PKP4: variants seen among roughly 807,000 people sequenced by gnomAD.
The protein encoded by PKP4 is plakophilin-4.
Under a neutral mutation model 145.1 loss-of-function variants are expected in PKP4, and 90 were observed. That is an observed-to-expected ratio of 0.62 (90% CI 0.52 to 0.74). PKP4 has a LOEUF of 0.74. Ranked by LOEUF, PKP4 falls within the 30% of genes least tolerant of loss-of-function variation. The probability of loss-of-function intolerance (pLI) is 0.00; values close to 1 mark genes in which losing one functional copy is unlikely to be tolerated. For synonymous variants in PKP4, 563 were observed against 577.2 expected (o/e 0.98, Z 0.35); for missense variants, 1,340 against 1,482.7 (o/e 0.90, Z 1.58).
intron 4 of PKP4, among the ~76,000 whole-genome samples, chr2:158,611,618 A>G (rs373637120): frequency 5.9e-5 from 9 of 152,210 alleles, no homozygotes; most frequent in African/African-American, 1.7e-4. Flanking sequence ...GAAACACTTT[A>G]TGCCTCAGTA....
Position 158,631,869 on chromosome 2 carries a change from G to A in PKP4, c.1270G>A (p.Val424Met), listed in dbSNP as rs1290412512. Residue 424 changes from valine (V) to methionine (M), a missense_variant, in exon 8 of 22, where the codon GTG (valine) becomes ATG (methionine). Val to Met is a conservative substitution (Grantham distance 21). Coordinates refer to ENST00000389759, the MANE Select transcript of PKP4 (RefSeq NM_003628.6). ...IYEGRTYYSP[V>M]YRSPNHGTVE... ...TGAGGGGAGGACCTATTACAGCCCA[G>A]TGTACCGCAGCCCAAACCATGGAAC... 5 of 1,614,154 alleles carry A rather than the reference G, an allele frequency of 3.1e-6. No individual in the cohort carries two copies. Among genetic ancestry groups the A allele is most frequent in the Non-Finnish European group, 2.5e-6 (3 of 1,180,000 alleles).
At chr2:158,539,242 G>A (rs988099615) in intron 2 of PKP4, among the ~76,000 whole-genome samples, 3 of 150,080 alleles carry the variant, frequency 2.0e-5, no homozygotes, top group Non-Finnish European at 4.4e-5. Context: ...AAGCCCAACT[G>A]TGTCCTATTG....
chr2:158,642,399 C>T, intron 10 of PKP4, 87 bp from the exon 11 acceptor site: 1 of 954,978 alleles, frequency 1.0e-6, no homozygotes, highest in Non-Finnish European at 1.6e-6. Flanking sequence ...ATATCCACAT[C>T]CTGTGATCTC....
At chr2:158,491,340 T>C (rs1297460388) in intron 1 of PKP4, among the ~76,000 whole-genome samples, 1 of 152,162 alleles carries the variant, frequency 6.6e-6, no homozygotes, top group Non-Finnish European at 1.5e-5. Context: ...GTGCTGATAC[T>C]CTCTAGAATG....
chr2:158,645,356 A>T (rs1361913185), intron 11 of PKP4, among the ~76,000 whole-genome samples: 2 of 152,234 alleles, frequency 1.3e-5, no homozygotes, highest in African/African-American at 4.8e-5. Flanking sequence ...AGCTATGTTC[A>T]TCCTAGAAGT....
At chr2:158,477,905 C>T (rs1422002312) in intron 1 of PKP4, among the ~76,000 whole-genome samples, 1 of 152,098 alleles carries the variant, frequency 6.6e-6, no homozygotes, top group Non-Finnish European at 1.5e-5. Flanking sequence ...AGCTATAGAC[C>T]AGCTTCTGAG....
At chr2:158,669,969 G>A in intron 17 of PKP4, 54 bp downstream of exon 17, 1 of 1,381,072 alleles carries the variant, frequency 7.2e-7, no homozygotes. Flanking sequence ...AGATTGTCCT[G>A]TGATGAGGCC....
intron 13 of PKP4, chr2:158,662,496 C>G (rs574053910): frequency 1.7e-3 from 261 of 157,304 alleles, no homozygotes; most frequent in Middle Eastern, 9.8e-3. Flanking sequence ...GAGAAGGAGG[C>G]AGACATGGGA....
intron 12 of PKP4, 42 bp from the exon 13 acceptor site, chr2:158,661,291 C>A: frequency 7.1e-7 from 1 of 1,403,236 alleles, no homozygotes; most frequent in Non-Finnish European, 1.0e-6. Flanking sequence ...CTGATGAGTG[C>A]ATGGTTCATC....
intron 2 of PKP4, among the ~76,000 whole-genome samples, chr2:158,550,420 A>G (rs1237770076): frequency 6.6e-6 from 1 of 152,238 alleles, no homozygotes; most frequent in Non-Finnish European, 1.5e-5. Context: ...TAATCAATAT[A>G]TACAACATTT....
chr2:158,680,021 T>C (rs2058332080), intron 21 of PKP4, among the ~76,000 whole-genome samples: 1 of 152,236 alleles, frequency 6.6e-6, no homozygotes, highest in South Asian at 2.1e-4. Flanking sequence ...TTGACTAAAT[T>C]AGTGATGTGC....
intron 11 of PKP4, among the ~76,000 whole-genome samples, chr2:158,654,344 ATT>A (rs901159449): frequency 6.6e-6 from 1 of 151,282 alleles, no homozygotes; most frequent in South Asian, 2.1e-4. Flanking sequence ...AACTGTAAAC[ATT>A]TTTTTTTGGA....
At chr2:158,558,090 G>A (rs2046237865) in intron 2 of PKP4, among the ~76,000 whole-genome samples, 1 of 152,172 alleles carries the variant, frequency 6.6e-6, no homozygotes, top group South Asian at 2.1e-4. Context: ...AGGGAATCTA[G>A]TCCCCATTCT....
chr2:158,536,863 T>C (rs766364358), intron 2 of PKP4, among the ~76,000 whole-genome samples: 3 of 152,184 alleles, frequency 2.0e-5, no homozygotes, highest in Non-Finnish European at 2.9e-5. Context: ...CAAATCTCTC[T>C]CCTGATCTCT....
intron 1 of PKP4, among the ~76,000 whole-genome samples, chr2:158,473,799 A>C (rs1691999927): frequency 6.6e-6 from 1 of 152,202 alleles, no homozygotes; most frequent in Admixed American, 6.5e-5. Flanking sequence ...TGAACCTAAA[A>C]GTTTAAAATA....
At chr2:158,498,297 A>G (rs944968532) in intron 1 of PKP4, among the ~76,000 whole-genome samples, 10 of 152,168 alleles carry the variant, frequency 6.6e-5, no homozygotes, top group African/African-American at 1.9e-4. Flanking sequence ...TTTTCCACAC[A>G]TTTTTTAGTC....
intron 3 of PKP4, among the ~76,000 whole-genome samples, chr2:158,594,825 A>AT (rs939548438): frequency 3.3e-5 from 5 of 152,120 alleles, no homozygotes; most frequent in African/African-American, 1.2e-4. Context: ...TGGATTTGTG[A>AT]TTTTTCAAAC....
intron 1 of PKP4, among the ~76,000 whole-genome samples, chr2:158,493,602 C>G (rs901020306): frequency 6.6e-6 from 1 of 152,160 alleles, no homozygotes; most frequent in African/African-American, 2.4e-5. Flanking sequence ...GCCTGAGTAG[C>G]CCTCTTCCAA....
intron 1 of PKP4, among the ~76,000 whole-genome samples, chr2:158,469,002 C>T (rs1691128439): frequency 6.6e-6 from 1 of 151,968 alleles, no homozygotes; most frequent in South Asian, 2.1e-4. Context: ...TGGTCTCGAA[C>T]TCCTGGCCAC....
Sources: allele counts gnomAD v4.1 joint callset (sites outside exome capture counted in the v4.1 genomes callset), GRCh38; gene constraint gnomAD v4.1.1; transcripts MANE v1.5; gene names NCBI Gene and HGNC (gene_info 2026-07-23, HGNC 2026-07-21).